Variants in CADPS observed in about 807,000 individuals in gnomAD.
The protein encoded by CADPS is calcium-dependent secretion activator 1.
CADPS carries 57 observed loss-of-function variants against 167.3 expected under a neutral mutation model. That is an observed-to-expected ratio of 0.34 (90% CI 0.28 to 0.42). CADPS has a LOEUF of 0.42. Among genes scored for constraint, CADPS ranks in the 20% least tolerant of loss-of-function variants. CADPS has a pLI of 1.00. For missense variants in CADPS, 1,414 were observed against 1,738.1 expected, an observed-to-expected ratio of 0.81 and a Z score of 3.32; for synonymous variants, 676 against 635.3, an observed-to-expected ratio of 1.06 and a Z score of -0.96.
At chr3:62,434,001 T>C (rs2054485730) in intron 28 of CADPS, among the ~76,000 whole-genome samples, 1 of 152,200 alleles carries the variant, frequency 6.6e-6, no homozygotes, top group Non-Finnish European at 1.5e-5. Context: ...GCTTTAGGAA[T>C]ATGGAGATTA....
Position 62,874,779 on chromosome 3 carries a change from G to C in CADPS, c.251C>G (p.Ala84Gly). The change falls in exon 1 of 30, where the codon GCT (alanine) becomes GGT (glycine). Residue 84 changes from alanine to glycine, a missense_variant. Transcript: ENST00000383710. The surrounding 1 kb of genome is among the most constrained non-coding windows in gnomAD (Gnocchi z 7.1). ...GAGGLQPSSR[A>G]GGGRPSSPSP... Reference sequence around the variant, plus strand: ...GGGGCTGGAGGGCCGGCCGCCGCCAGCGCGGCTGCTGGGTTGCAGCCCCCC... The same window carrying C: ...GGGGCTGGAGGGCCGGCCGCCGCCACCGCGGCTGCTGGGTTGCAGCCCCCC... 7.0e-7 allele frequency: 1 copy of C among 1,425,466 alleles called. No individual in the cohort carries two copies. The highest frequency in any genetic ancestry group is 2.1e-4 in the Middle Eastern group (1 of 4,762). 88.3% of individuals were successfully genotyped at this position (1,425,466 alleles called of 1,614,324 possible).
At chr3:62,461,436 A>T (rs1323615851) in intron 26 of CADPS, among the ~76,000 whole-genome samples, 1 of 152,060 alleles carries the variant, frequency 6.6e-6, no homozygotes, top group Non-Finnish European at 1.5e-5. Flanking sequence ...ACTGTACTCC[A>T]TGGACTCTCA....
chr3:62,539,038 T>C (rs2075253963), intron 11 of CADPS, among the ~76,000 whole-genome samples: 1 of 152,206 alleles, frequency 6.6e-6, no homozygotes, highest in Non-Finnish European at 1.5e-5. Context: ...TCAGCCTGCT[T>C]TCATTTTCAA....
chr3:62,856,587 T>A (rs1203569285), intron 1 of CADPS, among the ~76,000 whole-genome samples: 2 of 152,042 alleles, frequency 1.3e-5, no homozygotes, highest in Non-Finnish European at 2.9e-5. Context: ...GTAGCCAAAC[T>A]GTCATAAACC....
chr3:62,462,068 T>G (rs1433133629), intron 26 of CADPS, among the ~76,000 whole-genome samples: 1 of 152,050 alleles, frequency 6.6e-6, no homozygotes, highest in East Asian at 1.9e-4. Context: ...TGCCCTCTTC[T>G]TGGCCTCCTA....
chr3:62,843,572 C>G (rs777906431), intron 1 of CADPS, among the ~76,000 whole-genome samples: 5 of 151,930 alleles, frequency 3.3e-5, no homozygotes, highest in Non-Finnish European at 5.9e-5. Flanking sequence ...TAACGTTGGA[C>G]TCAACCTCAT....
At chr3:62,598,683 A>G (rs1363628948) in intron 6 of CADPS, among the ~76,000 whole-genome samples, 3 of 152,220 alleles carry the variant, frequency 2.0e-5, no homozygotes, top group Non-Finnish European at 2.9e-5. Context: ...TGAGTCACAG[A>G]GAGGCTGGGT....
chr3:62,734,667 G>C (rs1167265810), intron 3 of CADPS, among the ~76,000 whole-genome samples: 1 of 152,086 alleles, frequency 6.6e-6, no homozygotes, highest in Non-Finnish European at 1.5e-5. Context: ...TATTGTTACT[G>C]TATTCTATTG....
intron 26 of CADPS, among the ~76,000 whole-genome samples, chr3:62,464,005 G>C (rs1284608289): frequency 6.6e-6 from 1 of 152,158 alleles, no homozygotes; most frequent in African/African-American, 2.4e-5. Flanking sequence ...GGCATATTTG[G>C]AAAGAAGTTG....
At chr3:62,680,681 C>T (rs950219396) in intron 3 of CADPS, among the ~76,000 whole-genome samples, 1 of 152,032 alleles carries the variant, frequency 6.6e-6, no homozygotes, top group East Asian at 1.9e-4. Context: ...ATCTAAAGCA[C>T]ACATCTGGTC....
At chr3:62,736,524 T>G (rs2079022431) in intron 3 of CADPS, among the ~76,000 whole-genome samples, 1 of 152,210 alleles carries the variant, frequency 6.6e-6, no homozygotes, top group Admixed American at 6.5e-5. Context: ...TATAATTTCT[T>G]GCATAAACAT....
intron 3 of CADPS, among the ~76,000 whole-genome samples, chr3:62,683,972 C>T (rs2077555513): frequency 6.6e-6 from 1 of 151,998 alleles, no homozygotes; most frequent in South Asian, 2.1e-4. Context: ...GATCACCTGG[C>T]TAAGGCAAAG....
At chr3:62,702,470 T>C (rs1359824232) in intron 3 of CADPS, among the ~76,000 whole-genome samples, 1 of 152,016 alleles carries the variant, frequency 6.6e-6, no homozygotes, top group East Asian at 1.9e-4. Context: ...GGAGGAGAGA[T>C]GTCAGAAGAC....
chr3:62,788,855 T>A (rs1226444674), intron 1 of CADPS, among the ~76,000 whole-genome samples: 1 of 152,132 alleles, frequency 6.6e-6, no homozygotes, highest in African/African-American at 2.4e-5. Context: ...AAAAATAAAC[T>A]CCACTGAACT....
chr3:62,574,881 G>A (rs1439196036), intron 8 of CADPS, among the ~76,000 whole-genome samples: 1 of 152,202 alleles, frequency 6.6e-6, no homozygotes, highest in Non-Finnish European at 1.5e-5. Context: ...CAAAATCTCT[G>A]TACGGACAGA....
rs2068539777 is a variant in CADPS at position 62,514,487 on chromosome 3, T to A, written c.2581+1572A>T. Among the ~76,000 whole-genome samples, 1 of 152,062 alleles carries A rather than the reference T, an allele frequency of 6.6e-6. No individual in the cohort carries two copies. On this transcript the variant is annotated intron_variant, in intron 16 of 29. Transcript: ENST00000383710. This position sits in a 1 kb window ranked among gnomAD's most constrained non-coding sequence, Gnocchi z 4.2. ...GAGTTGAAAAAAAAGAATTGGTTTCTTCAAAGAATCCCCAGACCTAAAAGT... is the reference window on the plus strand; with the variant it reads ...GAGTTGAAAAAAAAGAATTGGTTTCATCAAAGAATCCCCAGACCTAAAAGT...
intron 16 of CADPS, 94 bp from the exon 17 acceptor site, chr3:62,512,862 C>G: frequency 9.6e-7 from 1 of 1,037,438 alleles, no homozygotes; most frequent in Non-Finnish European, 1.4e-6. Flanking sequence ...ATGCCCCCCA[C>G]TTATGTGTGA....
intron 26 of CADPS, among the ~76,000 whole-genome samples, chr3:62,449,779 C>A (rs541138466): frequency 6.7e-6 from 1 of 150,174 alleles, no homozygotes; most frequent in African/African-American, 2.4e-5. Context: ...TATTTTTTTC[C>A]ATCAATGGTT....
Position 62,572,527 on chromosome 3 carries a change from C to T in CADPS, c.1578-1589G>A, listed in dbSNP as rs187388643. ...GCTAAAATTCCTTCAGTGCCTCCCC[C>T]CTACCCCCACCATTTATATGAAAAG... On this transcript the variant is annotated intron_variant, in intron 8 of 29. Coordinates refer to ENST00000383710, the MANE Select transcript of CADPS (RefSeq NM_003716.4). Among the ~76,000 whole-genome samples, 8 of 152,264 alleles carry T rather than the reference C, an allele frequency of 5.3e-5. No individual in the cohort carries two copies. In the East Asian group the frequency reaches 5.8e-4, roughly 11 times the overall value.
Sources: gnomAD v4.1 joint callset for allele counts (sites outside exome capture counted in the v4.1 genomes callset) on GRCh38, gnomAD v4.1.1 for gene constraint, Gnocchi (gnomAD v3.1) non-coding constraint, MANE v1.5 for transcripts, NCBI Gene and HGNC (gene_info 2026-07-23, HGNC 2026-07-21) for gene names.